Variants in SLC26A11 observed in about 807,000 individuals in gnomAD.
SLC26A11 encodes solute carrier family 26 member 11.
In SLC26A11, 58 loss-of-function variants were observed where a neutral mutation model predicts 62.2. The observed-to-expected ratio is 0.93, with a 90% CI of 0.76 to 1.16. The LOEUF (loss-of-function observed/expected upper bound fraction) is 1.16. SLC26A11 is among the 50% of genes most tolerant of loss of function. The pLI, the probability that SLC26A11 is intolerant of heterozygous loss-of-function variation, is 0.00. For synonymous variants in SLC26A11, 411 were observed against 368.9 expected (o/e 1.11, Z -1.31); for missense variants, 790 against 794.3 (o/e 0.99, Z 0.06).
In SLC26A11 at chr17:80,240,177, C is replaced by G. The variant is rs190138544; in HGVS notation, c.986-1594C>G. Among the ~76,000 whole-genome samples, 978 of 152,116 alleles carry G rather than the reference C, an allele frequency of 6.4e-3. 9 individuals carry two copies. Among genetic ancestry groups the G allele is most frequent in the African/African-American group, 0.022 (923 of 41,522 alleles). ...GGTCAGGAGATGGAGACCATCCTGG[C>G]TAACACAGTGAAACCCCGTCTCTAC... On this transcript the variant is annotated intron_variant, in intron 9 of 17. Coordinates refer to ENST00000361193, the MANE Select transcript of SLC26A11 (RefSeq NM_001166347.2).
At position 80,223,051 on chromosome 17, in the gene SLC26A11, G is replaced by A; in HGVS notation, c.428-201G>A. On this transcript the variant is annotated intron_variant, in intron 4 of 17. Coordinates refer to ENST00000361193, the MANE Select transcript of SLC26A11 (RefSeq NM_001166347.2). This position sits in a 1 kb window ranked among gnomAD's most constrained non-coding sequence, Gnocchi z 4.6. Reference sequence around the variant, plus strand: ...CTGCTTAGAGGCCAGGACACTTGGAGAAGTGCCTGTGGCCTCAGACCCCAG... The same window carrying A: ...CTGCTTAGAGGCCAGGACACTTGGAAAAGTGCCTGTGGCCTCAGACCCCAG... 1 of 727,892 alleles carries A rather than the reference G, an allele frequency of 1.4e-6. No individual in the cohort carries two copies. Among genetic ancestry groups the A allele is most frequent in the Non-Finnish European group, 2.3e-6 (1 of 440,374 alleles). 45.1% of individuals were successfully genotyped at this position (727,892 alleles called of 1,614,324 possible).
intron 2 of SLC26A11, chr17:80,221,347 A>G: frequency 1.9e-6 from 1 of 519,044 alleles, no homozygotes. Context: ...AGAGAGGGTG[A>G]TGAGGGACGG....
chr17:80,246,120 C>A lies in SLC26A11; in HGVS notation c.1098-34C>A, dbSNP rs746784872. 2.5e-6 allele frequency: 4 copies of A among 1,612,844 alleles called. No individual in the cohort carries two copies. The highest frequency in any genetic ancestry group is 2.5e-6 in the Non-Finnish European group (3 of 1,179,702). Reference sequence around the variant, plus strand: ...GACTGAGGTCTCCCTTTTCCCGGCCCCTGGTGACTGACGGTCTCTGTGTTG... The same window carrying A: ...GACTGAGGTCTCCCTTTTCCCGGCCACTGGTGACTGACGGTCTCTGTGTTG... On this transcript the variant is annotated intron_variant, in intron 11 of 17. Transcript: ENST00000361193. The surrounding 1 kb of genome is among the most constrained non-coding windows in gnomAD (Gnocchi z 4.4).
Position 80,248,616 on chromosome 17 carries a change from C to T in SLC26A11, c.1464C>T (p.Gly488=). The change falls in exon 15 of 18, where the codon GGC becomes GGT. Residue 488 remains glycine (G), a synonymous_variant. Transcript: ENST00000361193. The stretch of plus-strand genomic sequence containing the variant: ...TTCTGGTCCTGCAGCCGGCCAGCGG[C>T]CTGTCCTTCCCTGCCATGGAGGCTC... The part of the protein sequence containing the change: ...GPVLVLQPAS[G]LSFPAMEALR... 6.3e-7 allele frequency: 1 copy of T among 1,590,502 alleles called. No homozygotes were observed.
Position 80,246,530 on chromosome 17 carries a change from T to C in SLC26A11, c.1175T>C (p.Leu392Pro). The C allele has an allele frequency of 6.2e-7, 1 of 1,612,786 alleles. No individual in the cohort carries two copies. Among genetic ancestry groups the C allele is most frequent in the Non-Finnish European group, 8.5e-7 (1 of 1,180,006 alleles). ...GCAGGAGTGCTGGTGCTGCTGTCTC[T>C]GGACTACCTGACCTCACTGTTCTAC... The part of the protein sequence containing the change: ...LVTGVLVLLS[L>P]DYLTSLFYYI... The change falls in exon 13 of 18, where the codon CTG becomes CCG. Residue 392 changes from leucine (L) to proline (P), a missense_variant. Coordinates refer to ENST00000361193, the MANE Select transcript of SLC26A11 (RefSeq NM_001166347.2). The surrounding 1 kb of genome is among the most constrained non-coding windows in gnomAD (Gnocchi z 4.4).
chr17:80,238,811 GTTTTTTTT>G lies in SLC26A11; in HGVS notation c.985+1218_985+1225del, dbSNP rs2042771321. Among the ~76,000 whole-genome samples the G allele has an allele frequency of 1.3e-4, 16 of 123,264 alleles. 1 individual carries two copies. Among genetic ancestry groups the G allele is most frequent in the African/African-American group, 5.5e-4 (16 of 29,232 alleles). 80.9% of individuals were successfully genotyped at this position (123,264 alleles called of 152,430 possible). The stretch of plus-strand genomic sequence containing the variant: ...TCTAACCCTTACCCCCTTCAAAGGA[GTTTTTTTT>G]GTTTTTTGTTTTTTTTTTTTTTTGG... On this transcript the variant is annotated intron_variant, in intron 9 of 17. Transcript: ENST00000361193.
chr17:80,248,485 G>A, intron 14 of SLC26A11, 90 bp from the exon 15 acceptor site: 1 of 1,401,134 alleles, frequency 7.1e-7, no homozygotes, highest in Non-Finnish European at 9.7e-7. Flanking sequence ...CAGCACACTA[G>A]GTTGGGTGGG....
rs757439311 is a variant in SLC26A11, at chr17:80,246,071, C to G, written c.1098-83C>G. ...GCCGTGCTGGGAGCTGACGTCCCCTCGGAAGATCAGCCACAGGAGTGTGGA... is the reference window on the plus strand; with the variant it reads ...GCCGTGCTGGGAGCTGACGTCCCCTGGGAAGATCAGCCACAGGAGTGTGGA... On this transcript the variant is annotated intron_variant, in intron 11 of 17. Transcript: ENST00000361193. The surrounding 1 kb of genome is among the most constrained non-coding windows in gnomAD (Gnocchi z 4.4). 4.6e-6 allele frequency: 7 copies of G among 1,524,718 alleles called. No homozygotes were observed. Among genetic ancestry groups the G allele is most frequent in the Non-Finnish European group, 5.5e-6 (6 of 1,099,950 alleles). 94.4% of individuals were successfully genotyped at this position (1,524,718 alleles called of 1,614,324 possible).
In SLC26A11 at chr17:80,246,439, A is replaced by G. The variant is rs2042998886; in HGVS notation, c.1154-70A>G. ...TGTCCCCAGTGGGCTCTGCTGAACA[A>G]GAGGCTGCTACGCTGCGTGCTGGGG... is the stretch of plus-strand genomic sequence containing the variant. On this transcript the variant is annotated intron_variant, in intron 12 of 17. Coordinates refer to ENST00000361193, the MANE Select transcript of SLC26A11 (RefSeq NM_001166347.2). This position sits in a 1 kb window ranked among gnomAD's most constrained non-coding sequence, Gnocchi z 4.4. 6.3e-7 allele frequency: 1 copy of G among 1,583,454 alleles called. No individual in the cohort carries two copies. Among genetic ancestry groups the G allele is most frequent in the Non-Finnish European group, 8.6e-7 (1 of 1,166,766 alleles).
chr17:80,249,852 C>T (rs1391427046), intron 16 of SLC26A11, among the ~76,000 whole-genome samples: 4 of 152,082 alleles, frequency 2.6e-5, no homozygotes, highest in African/African-American at 9.7e-5. Context: ...TTGCAGTAAG[C>T]CGAGATCCCA....
At chr17:80,250,476 T>G (rs2043126909) in intron 16 of SLC26A11, among the ~76,000 whole-genome samples, 1 of 152,132 alleles carries the variant, frequency 6.6e-6, no homozygotes, top group Non-Finnish European at 1.5e-5. Flanking sequence ...CGCTCATAAG[T>G]GTTACGTCCT....
At chr17:80,227,777 G>T in intron 6 of SLC26A11, 41 bp from the exon 7 acceptor site, 1 of 1,594,796 alleles carries the variant, frequency 6.3e-7, no homozygotes, top group Non-Finnish European at 8.5e-7. Flanking sequence ...CAGTAGGCCT[G>T]GGCCGAGCTG....
rs1555629117 is a variant in SLC26A11, at chr17:80,238,811, G to GGTTTTTTTTTTTTTTTTT, written c.985+1217_985+1218insGTTTTTTTTTTTTTTTTT. Among the ~76,000 whole-genome samples, 16 of 123,260 alleles carry GGTTTTTTTTTTTTTTTTT rather than the reference G, an allele frequency of 1.3e-4. 1 individual carries two copies. Among genetic ancestry groups the GGTTTTTTTTTTTTTTTTT allele is most frequent in the African/African-American group, 4.8e-4 (14 of 29,230 alleles). The allele number at this position is 123,260 out of a possible 152,430, so 80.9% of individuals were successfully genotyped here. A position where few individuals can be genotyped will look rare whatever the true frequency, so the allele number is the denominator to read the frequency against. ...TCTAACCCTTACCCCCTTCAAAGGA[G>GGTTTTTTTTTTTTTTTTT]TTTTTTTTGTTTTTTGTTTTTTTTT... On this transcript the variant is annotated intron_variant, in intron 9 of 17. Coordinates refer to ENST00000361193, the MANE Select transcript of SLC26A11 (RefSeq NM_001166347.2).
Position 80,248,625 on chromosome 17 carries a change from C to A in SLC26A11, c.1473C>A (p.Phe491Leu), listed in dbSNP as rs2144981033. Residue 491 changes from phenylalanine to leucine, a missense_variant, in exon 15 of 18, where the codon TTC (phenylalanine) becomes TTA (leucine). Phe to Leu is a conservative substitution (Grantham distance 22). Coordinates refer to ENST00000361193, the MANE Select transcript of SLC26A11 (RefSeq NM_001166347.2). ...TGCAGCCGGCCAGCGGCCTGTCCTTCCCTGCCATGGAGGCTCTGCGGGAGG... is the reference window on the plus strand; with the variant it reads ...TGCAGCCGGCCAGCGGCCTGTCCTTACCTGCCATGGAGGCTCTGCGGGAGG... ...LVLQPASGLS[F>L]PAMEALREEI... is the part of the protein sequence containing the mutation. The A allele has an allele frequency of 1.3e-6, 2 of 1,590,462 alleles. No homozygotes were observed. Among genetic ancestry groups the A allele is most frequent in the African/African-American group, 2.7e-5 (2 of 74,546 alleles).
chr17:80,223,059 T>C lies in SLC26A11; in HGVS notation c.428-193T>C. 1 of 724,536 alleles carries C rather than the reference T, an allele frequency of 1.4e-6. No homozygotes were observed. The highest frequency in any genetic ancestry group is 2.3e-6 in the Non-Finnish European group (1 of 434,704). 44.9% of individuals were successfully genotyped at this position (724,536 alleles called of 1,614,324 possible). A position where few individuals can be genotyped will look rare whatever the true frequency, so the allele number is the denominator to read the frequency against. On this transcript the variant is annotated intron_variant, in intron 4 of 17. Transcript: ENST00000361193. This position sits in a 1 kb window ranked among gnomAD's most constrained non-coding sequence, Gnocchi z 4.6. ...AGGCCAGGACACTTGGAGAAGTGCC[T>C]GTGGCCTCAGACCCCAGTCTCCCTT...
At chr17:80,244,540 G>T (rs1357783807) in intron 10 of SLC26A11, among the ~76,000 whole-genome samples, 1 of 152,206 alleles carries the variant, frequency 6.6e-6, no homozygotes, top group African/African-American at 2.4e-5. Flanking sequence ...TGGGTGAGAA[G>T]TGTTTGAAAG....
chr17:80,224,444 AGTGT>A (rs1555626282), intron 5 of SLC26A11, among the ~76,000 whole-genome samples: 3 of 146,780 alleles, frequency 2.0e-5, no homozygotes, highest in African/African-American at 7.6e-5. Context: ...TGGGTGTGAG[AGTGT>A]GAGTGTGAGA....
intron 9 of SLC26A11, among the ~76,000 whole-genome samples, chr17:80,237,989 GTAGA>G (rs1464463327): frequency 6.6e-6 from 1 of 152,262 alleles, no homozygotes; most frequent in East Asian, 1.9e-4. Context: ...TCTCCACCAT[GTAGA>G]TACAGTGGGT....
At chr17:80,235,378 A>T (rs1278111288) in intron 7 of SLC26A11, among the ~76,000 whole-genome samples, 10 of 151,166 alleles carry the variant, frequency 6.6e-5, no homozygotes, top group African/African-American at 2.4e-4. Context: ...ATTTTTTGAG[A>T]CAGGGTCTCA....
Sources: allele counts gnomAD v4.1 joint callset (sites outside exome capture counted in the v4.1 genomes callset), GRCh38; gene constraint gnomAD v4.1.1; non-coding constraint Gnocchi (gnomAD v3.1); transcripts MANE v1.5; gene names NCBI Gene and HGNC (gene_info 2026-07-23, HGNC 2026-07-21).